Variants in MAML3 observed in about 807,000 individuals in gnomAD.
The protein encoded by MAML3 is mastermind like transcriptional coactivator 3, also known as mastermind-like protein 3.
Under a neutral mutation model 101.9 loss-of-function variants are expected in MAML3, and 27 were observed. The observed-to-expected ratio is 0.27, with a 90% CI of 0.20 to 0.37. The LOEUF (loss-of-function observed/expected upper bound fraction) is 0.37. Ranked by LOEUF, MAML3 falls within the 10% of genes least tolerant of loss-of-function variation. MAML3 has a pLI of 1.00. For missense variants in MAML3, 1,316 were observed against 1,444.9 expected (o/e 0.91, Z 1.45); for synonymous variants, 501 against 555.9 (o/e 0.90, Z 1.39).
At chr4:139,814,600 A>G (rs1730862990) in intron 2 of MAML3, among the ~76,000 whole-genome samples, 1 of 151,942 alleles carries the variant, frequency 6.6e-6, no homozygotes, top group Non-Finnish European at 1.5e-5. Context: ...ATATGAACGA[A>G]CTGTAATGAA....
chr4:139,974,932 G>T (rs968008010), intron 1 of MAML3, among the ~76,000 whole-genome samples: 1 of 151,900 alleles, frequency 6.6e-6, no homozygotes, highest in African/African-American at 2.4e-5. Context: ...CAGGGTGACT[G>T]GAAAAATTCT....
chr4:139,895,052 C>T lies in MAML3; in HGVS notation c.469-4085G>A, dbSNP rs138375636. ...GAATGGAGCAGGACAGAGAAGGAAA[C>T]GAAGCTGGTCCATTTGTTTCTCTGT... On this transcript the variant is annotated intron_variant, in intron 1 of 4. Transcript: ENST00000509479. Among the ~76,000 whole-genome samples the T allele has an allele frequency of 5.8e-3, 890 of 152,284 alleles. 11 individuals carry two copies. Among genetic ancestry groups the T allele is most frequent in the Non-Finnish European group, 6.4e-3 (433 of 68,034 alleles).
At chr4:140,122,758 C>T (rs1014474747) in intron 1 of MAML3, among the ~76,000 whole-genome samples, 2 of 145,534 alleles carry the variant, frequency 1.4e-5, no homozygotes, top group Non-Finnish European at 3.0e-5. Context: ...CGCCACTGCA[C>T]TCCAGCCTGG....
At chr4:140,122,906 A>G (rs1178794631) in intron 1 of MAML3, among the ~76,000 whole-genome samples, 1 of 152,166 alleles carries the variant, frequency 6.6e-6, no homozygotes, top group African/African-American at 2.4e-5. Context: ...CAAATACTTA[A>G]GAGTTTTTAA....
chr4:139,757,465 T>A (rs1469859333), intron 2 of MAML3, among the ~76,000 whole-genome samples: 2 of 151,848 alleles, frequency 1.3e-5, no homozygotes, highest in African/African-American at 4.8e-5. Flanking sequence ...GCCTGACCAA[T>A]GTGGTGAAAC....
At chr4:139,973,478 A>C (rs1391407725) in intron 1 of MAML3, among the ~76,000 whole-genome samples, 1 of 152,194 alleles carries the variant, frequency 6.6e-6, no homozygotes, top group African/African-American at 2.4e-5. Context: ...CGTAAAGGTT[A>C]AGTGTAGTAA....
intron 2 of MAML3, among the ~76,000 whole-genome samples, chr4:139,781,893 C>T (rs965159145): frequency 1.3e-5 from 2 of 152,114 alleles, no homozygotes; most frequent in Admixed American, 1.3e-4. Context: ...CATGTGCAAC[C>T]ACCCATCTGT....
intron 1 of MAML3, among the ~76,000 whole-genome samples, chr4:140,120,200 G>A (rs1408375325): frequency 2.1e-5 from 3 of 141,896 alleles, no homozygotes; most frequent in Non-Finnish European, 4.5e-5. Context: ...TCGCGCCACC[G>A]CACTCCAGCC....
At chr4:139,827,345 T>A (rs1320429153) in intron 2 of MAML3, among the ~76,000 whole-genome samples, 2 of 152,202 alleles carry the variant, frequency 1.3e-5, no homozygotes, top group Non-Finnish European at 2.9e-5. Context: ...CAACAAAGAC[T>A]GACTGCTGAG....
At chr4:139,936,319 AT>A (rs1733504289) in intron 1 of MAML3, among the ~76,000 whole-genome samples, 1 of 152,190 alleles carries the variant, frequency 6.6e-6, no homozygotes, top group Non-Finnish European at 1.5e-5. Flanking sequence ...CTGATTTCAT[AT>A]CTTGGCTATT....
chr4:140,006,692 C>A (rs1359180514), intron 1 of MAML3, among the ~76,000 whole-genome samples: 1 of 151,342 alleles, frequency 6.6e-6, no homozygotes, highest in African/African-American at 2.4e-5. Flanking sequence ...AACTGAAATA[C>A]ATCTGTTGAC....
At chr4:139,999,697 G>A (rs891920967) in intron 1 of MAML3, among the ~76,000 whole-genome samples, 3 of 152,184 alleles carry the variant, frequency 2.0e-5, no homozygotes, top group African/African-American at 7.2e-5. Context: ...CTTGTATAGT[G>A]TCAAATGTCA....
chr4:139,755,212 G>C (rs1005084285), intron 2 of MAML3, among the ~76,000 whole-genome samples: 2 of 152,214 alleles, frequency 1.3e-5, no homozygotes, highest in Non-Finnish European at 2.9e-5. Context: ...AATAGCACCT[G>C]TAGACTCTGG....
chr4:139,958,824 A>C (rs951394776), intron 1 of MAML3, among the ~76,000 whole-genome samples: 2 of 152,226 alleles, frequency 1.3e-5, no homozygotes, highest in Non-Finnish European at 2.9e-5. Context: ...AATGATAATA[A>C]TACTCTATTG....
intron 1 of MAML3, among the ~76,000 whole-genome samples, chr4:139,982,872 T>C (rs930126995): frequency 2.6e-5 from 4 of 152,178 alleles, no homozygotes; most frequent in African/African-American, 9.7e-5. Context: ...ATATATCATA[T>C]GTTGTTTCAG....
At chr4:139,916,324 G>GAGGGC (rs1733027824) in intron 1 of MAML3, among the ~76,000 whole-genome samples, 2 of 152,198 alleles carry the variant, frequency 1.3e-5, no homozygotes, top group Admixed American at 1.3e-4. Context: ...GATCTCCTAT[G>GAGGGC]AGGGCTGTTG....
In MAML3 at chr4:139,947,662, G is replaced by A. The variant is rs111719500; in HGVS notation, c.469-56695C>T. Among the ~76,000 whole-genome samples, 830 of 152,280 alleles carry A rather than the reference G, an allele frequency of 5.5e-3. 7 individuals carry two copies. The highest frequency in any genetic ancestry group is 0.017 in the African/African-American group (719 of 41,548). On this transcript the variant is annotated intron_variant, in intron 1 of 4. Coordinates refer to ENST00000509479, the MANE Select transcript of MAML3 (RefSeq NM_018717.5). ...TTAATTTAGGGGTTAGTGGTAAAGT[G>A]TATCTAGAATCTAGCTACCTGCTGT...
chr4:140,018,019 C>A (rs13143348), intron 1 of MAML3, among the ~76,000 whole-genome samples: 105,728 of 151,804 alleles, frequency 0.7, 40,254 homozygotes, highest in East Asian at 0.94. Context: ...TTTAAAAATA[C>A]AAAAAGGAAT....
At position 140,086,695 on chromosome 4, in the gene MAML3, G is replaced by A. The variant is rs533866039; in HGVS notation, c.468+66165C>T. ...CTAAATGTAAACTGAACCACTTAAA[G>A]GTGGGGTGGGGTGAACGAGAGAAGA... On this transcript the variant is annotated intron_variant, in intron 1 of 4. Coordinates refer to ENST00000509479, the MANE Select transcript of MAML3 (RefSeq NM_018717.5). 1.2e-4 allele frequency among the ~76,000 whole-genome samples: 19 copies of A among 152,240 alleles called. No homozygotes were observed. The South Asian group carries it at 3.7e-3, about 30-fold the overall frequency.
Sources: gnomAD v4.1 joint callset for allele counts (sites outside exome capture counted in the v4.1 genomes callset) on GRCh38, gnomAD v4.1.1 for gene constraint, MANE v1.5 for transcripts, NCBI Gene and HGNC (gene_info 2026-07-23, HGNC 2026-07-21) for gene names.